The following SOX6 variants were observed in gnomAD, a reference collection of about 807,000 sequenced individuals.
SOX6 encodes SRY-box transcription factor 6, also known as transcription factor SOX-6.
A neutral mutation model predicts 97.8 loss-of-function variants in SOX6; 11 were observed. That is an observed-to-expected ratio of 0.11 (90% CI 0.07 to 0.19). SOX6 has a LOEUF of 0.19. Ranked by LOEUF, SOX6 falls within the 10% of genes least tolerant of loss-of-function variation. The probability of loss-of-function intolerance (pLI) is 1.00; values close to 1 mark genes in which losing one functional copy is unlikely to be tolerated. For missense variants in SOX6, 810 were observed against 1,039.5 expected (o/e 0.78, Z 3.04); for synonymous variants, 360 against 371.4 (o/e 0.97, Z 0.35).
chr11:16,098,140 T>G (rs1848849072), intron 7 of SOX6, among the ~76,000 whole-genome samples: 1 of 151,808 alleles, frequency 6.6e-6, no homozygotes, highest in African/African-American at 2.4e-5. Context: ...ATTCTAAACT[T>G]TATTTATTAA....
intron 2 of SOX6, among the ~76,000 whole-genome samples, chr11:16,321,297 G>C (rs1042825074): frequency 2.6e-5 from 4 of 151,012 alleles, no homozygotes; most frequent in African/African-American, 9.7e-5. Flanking sequence ...TCAACCTAAG[G>C]GATTGAAGAA....
chr11:16,505,627 A>C (rs193240387), intron 4 of SOX6, among the ~76,000 whole-genome samples: 37 of 152,348 alleles, frequency 2.4e-4, no homozygotes, highest in South Asian at 6.2e-4. Flanking sequence ...GACAATGGGA[A>C]AAATGTCTCC....
At chr11:15,995,607 T>G (rs1854200764) in intron 13 of SOX6, among the ~76,000 whole-genome samples, 1 of 152,248 alleles carries the variant, frequency 6.6e-6, no homozygotes, top group South Asian at 2.1e-4. Flanking sequence ...TTACCTGAAT[T>G]TGGTGAGAAA....
At chr11:16,635,716 G>T (rs1848776142) in intron 3 of SOX6, among the ~76,000 whole-genome samples, 1 of 152,164 alleles carries the variant, frequency 6.6e-6, no homozygotes, top group South Asian at 2.1e-4. Context: ...GGGAAAAATG[G>T]TTTCCTGGGT....
intron 3 of SOX6, among the ~76,000 whole-genome samples, chr11:16,308,307 CTA>C (rs1855497025): frequency 6.6e-6 from 1 of 152,104 alleles, no homozygotes; most frequent in South Asian, 2.1e-4. Flanking sequence ...ATAGTAAACT[CTA>C]AAATTTGGAT....
chr11:15,986,105 TC>T, intron 15 of SOX6, 98 bp downstream of exon 15: 1 of 1,133,012 alleles, frequency 8.8e-7, no homozygotes, highest in Non-Finnish European at 1.3e-6. Flanking sequence ...CACAACCTCC[TC>T]TTTCCCTAAT....
In SOX6 at chr11:16,631,068, G is replaced by C. The variant is rs185676000; in HGVS notation, n.430-18808C>G. Among the ~76,000 whole-genome samples, 19 of 151,536 alleles carry C rather than the reference G, an allele frequency of 1.3e-4. 1 individual carries two copies. The East Asian group carries it at 3.7e-3, about 30-fold the overall frequency. ...CCACTCTGTGCCTTTTAAGTGGGGG[G>C]TTTAAAGTATTTACATTCAAGGCTA... is the stretch of plus-strand genomic sequence containing the variant. On this transcript the variant is annotated intron_variant and non_coding_transcript_variant, in intron 3 of 5. Coordinates refer to the SOX6 transcript ENST00000524520.
intron 4 of SOX6, among the ~76,000 whole-genome samples, chr11:16,528,132 C>A (rs974134575): frequency 1.3e-5 from 2 of 151,998 alleles, no homozygotes; most frequent in African/African-American, 4.8e-5. Context: ...CTTCTTGTAA[C>A]ATAAGGCACA....
At chr11:16,456,953 A>C (rs1377839939) in intron 1 of SOX6, among the ~76,000 whole-genome samples, 1 of 152,122 alleles carries the variant, frequency 6.6e-6, no homozygotes, top group Non-Finnish European at 1.5e-5. Flanking sequence ...TTTGAAAATC[A>C]AAGGTTTTTA....
upstream of SOX6, among the ~76,000 whole-genome samples, chr11:16,477,291 T>G (rs1253679579): frequency 2.0e-5 from 3 of 152,178 alleles, no homozygotes; most frequent in African/African-American, 7.2e-5. Context: ...AGTTTTTAAA[T>G]ATAGCCAGCA....
Position 16,297,364 on chromosome 11 carries a change from G to A in SOX6, c.445+21082C>T, listed in dbSNP as rs139684205. 3.0e-3 allele frequency among the ~76,000 whole-genome samples: 456 copies of A among 152,174 alleles called. 2 individuals carry two copies. Among genetic ancestry groups the A allele is most frequent in the African/African-American group, 9.9e-3 (413 of 41,516 alleles). ...TGAATTTATCATAATATAGTATTAT[G>A]AATATTTCATTTTGACAAGTGTTCG... On this transcript the variant is annotated intron_variant, in intron 3 of 15. Coordinates refer to ENST00000683767, the MANE Select transcript of SOX6 (RefSeq NM_001367873.1).
chr11:16,341,103 T>C lies in SOX6; in HGVS notation c.146A>G (p.Asn49Ser). 1.2e-6 allele frequency: 2 copies of C among 1,613,556 alleles called. No homozygotes were observed. Among genetic ancestry groups the C allele is most frequent in the Non-Finnish European group, 1.7e-6 (2 of 1,179,606 alleles). Residue 49 changes from asparagine to serine, a missense_variant, in exon 2 of 16, where the codon AAC (asparagine) becomes AGC (serine). Asn to Ser is a conservative substitution (Grantham distance 46). Transcript: ENST00000683767. ...SHLPLHPIMHNKPHSEELPTL... is the reference protein window; with the variant it reads ...SHLPLHPIMHSKPHSEELPTL... ...TGGTAGCTCCTCAGAGTGAGGTTTG[T>C]TGTGCATTATGGGGTGCAGAGGCAG...
At chr11:16,088,841 C>T (rs754673646) in intron 9 of SOX6, among the ~76,000 whole-genome samples, 1 of 152,150 alleles carries the variant, frequency 6.6e-6, no homozygotes, top group Non-Finnish European at 1.5e-5. Flanking sequence ...TGTAGGCTTG[C>T]ACTTTGTATA....
chr11:16,008,875 C>G (rs1854633677), intron 13 of SOX6, among the ~76,000 whole-genome samples: 1 of 152,030 alleles, frequency 6.6e-6, no homozygotes, highest in Non-Finnish European at 1.5e-5. Flanking sequence ...TTTGTCGACT[C>G]TGCTTATATC....
At chr11:16,034,436 C>G (rs893418952) in intron 12 of SOX6, among the ~76,000 whole-genome samples, 6 of 152,142 alleles carry the variant, frequency 3.9e-5, no homozygotes, top group Admixed American at 3.3e-4. Context: ...ATCTTAGTTG[C>G]AAATGTCAAA....
chr11:16,172,463 T>C (rs1278102205), intron 6 of SOX6, among the ~76,000 whole-genome samples: 2 of 152,062 alleles, frequency 1.3e-5, no homozygotes, highest in African/African-American at 2.4e-5. Flanking sequence ...CTACAGCCAT[T>C]ATTTCATGGG....
At chr11:16,394,500 A>G (rs897218528) in intron 1 of SOX6, among the ~76,000 whole-genome samples, 3 of 151,964 alleles carry the variant, frequency 2.0e-5, no homozygotes, top group Non-Finnish European at 4.4e-5. Context: ...GCAAAGATTT[A>G]CATAGAATAC....
At chr11:16,220,756 T>G (rs1258867209) in intron 4 of SOX6, among the ~76,000 whole-genome samples, 1 of 152,026 alleles carries the variant, frequency 6.6e-6, no homozygotes, top group Non-Finnish European at 1.5e-5. Context: ...AATGCATGGT[T>G]GTTGTTGTTG....
chr11:16,042,681 C>G (rs928313097), intron 12 of SOX6, among the ~76,000 whole-genome samples: 4 of 152,116 alleles, frequency 2.6e-5, no homozygotes, highest in African/African-American at 9.7e-5. Context: ...AGTGATTGAA[C>G]TTGATCAAAT....
Sources: gnomAD v4.1 joint callset for allele counts (sites outside exome capture counted in the v4.1 genomes callset) on GRCh38, gnomAD v4.1.1 for gene constraint, MANE v1.5 for transcripts, NCBI Gene and HGNC (gene_info 2026-07-23, HGNC 2026-07-21) for gene names.